KIAA1671: variants seen among roughly 807,000 people sequenced by gnomAD.
The protein encoded by KIAA1671 is uncharacterized protein KIAA1671.
KIAA1671 carries 52 observed loss-of-function variants against 131.2 expected under a neutral mutation model. The ratio of observed to expected loss-of-function variants is 0.40; its 90% CI spans 0.32 to 0.50. The LOEUF (loss-of-function observed/expected upper bound fraction) is 0.50. Among genes scored for constraint, KIAA1671 ranks in the 20% least tolerant of loss-of-function variants. The pLI, the probability that KIAA1671 is intolerant of heterozygous loss-of-function variation, is 0.73. For missense variants in KIAA1671, 2,360 were observed against 2,364.2 expected, an observed-to-expected ratio of 1.00 and a Z score of 0.04; for synonymous variants, 1,003 against 961.6, an observed-to-expected ratio of 1.04 and a Z score of -0.80.
chr22:25,171,680 A>T (rs1413190591), intron 7 of KIAA1671, among the ~76,000 whole-genome samples: 1 of 151,932 alleles, frequency 6.6e-6, no homozygotes, highest in East Asian at 1.9e-4. Flanking sequence ...GCGCCAATGC[A>T]CTCAATCCAG....
At chr22:25,069,068 G>A (rs1041312473) in intron 6 of KIAA1671, among the ~76,000 whole-genome samples, 3 of 152,142 alleles carry the variant, frequency 2.0e-5, no homozygotes, top group Non-Finnish European at 2.9e-5. Context: ...ATCCAGGAGC[G>A]TCTGGCTTGT....
intron 6 of KIAA1671, 44 bp from the exon 7 acceptor site, chr22:25,170,776 G>C (rs1006295671): frequency 6.5e-7 from 1 of 1,536,930 alleles, no homozygotes; most frequent in African/African-American, 1.4e-5. Context: ...GGGGTTCTGA[G>C]TACATTTCCT....
At chr22:24,990,514 A>G (rs1165100084) in intron 1 of KIAA1671, among the ~76,000 whole-genome samples, 1 of 152,144 alleles carries the variant, frequency 6.6e-6, no homozygotes, top group African/African-American at 2.4e-5. Flanking sequence ...TGCACACACC[A>G]TGCTCACACA....
At chr22:25,014,057 C>T (rs1437715592) in intron 1 of KIAA1671, 1 of 152,168 alleles carries the variant, frequency 6.6e-6, no homozygotes, top group Non-Finnish European at 1.5e-5. Context: ...AAATAGCCCA[C>T]TTCTAGGCAA....
intron 6 of KIAA1671, among the ~76,000 whole-genome samples, chr22:25,076,066 G>T (rs1418805874): frequency 6.6e-6 from 1 of 152,128 alleles, no homozygotes; most frequent in African/African-American, 2.4e-5. Context: ...GTGAGCCACT[G>T]CACCCAGCCT....
intron 6 of KIAA1671, among the ~76,000 whole-genome samples, chr22:25,122,449 A>G (rs927208027): frequency 6.6e-6 from 1 of 152,118 alleles, no homozygotes; most frequent in African/African-American, 2.4e-5. Flanking sequence ...CTTAGTCTAC[A>G]TGTTATTAAA....
chr22:25,023,291 TG>T (rs1925772219), intron 1 of KIAA1671: 1 of 152,136 alleles, frequency 6.6e-6, no homozygotes, highest in South Asian at 2.1e-4. Flanking sequence ...CACTTGAACC[TG>T]GAAGGTGGAG....
intron 6 of KIAA1671, among the ~76,000 whole-genome samples, chr22:25,139,823 A>C (rs1375698514): frequency 6.6e-6 from 1 of 152,176 alleles, no homozygotes; most frequent in Non-Finnish European, 1.5e-5. Flanking sequence ...GCAGATATCT[A>C]GGAAAAGGAA....
At chr22:25,146,240 G>A (rs765289504) in intron 6 of KIAA1671, among the ~76,000 whole-genome samples, 3 of 152,272 alleles carry the variant, frequency 2.0e-5, no homozygotes, top group Admixed American at 6.5e-5. Context: ...AAAGTCACAC[G>A]GCTGGTGGGC....
rs538629193 is a variant in KIAA1671, at chr22:25,187,016, C to G, written c.5342+1897C>G. Among the ~76,000 whole-genome samples, 193 of 152,306 alleles carry G rather than the reference C, an allele frequency of 1.3e-3. 3 individuals are homozygous for G. In the South Asian group the frequency reaches 0.032, roughly 25 times the overall value. ...CTGAAGTCTGGAGTACCCTAGACCC[C>G]CATCTGCCCAGGGGGCCCTCTTCTT... On this transcript the variant is annotated intron_variant, in intron 11 of 12. Transcript: ENST00000358431.
chr22:24,988,794 C>T (rs890482989), intron 1 of KIAA1671, among the ~76,000 whole-genome samples: 30 of 150,920 alleles, frequency 2.0e-4, no homozygotes, highest in Middle Eastern at 3.5e-3. Context: ...AATTGTGGTC[C>T]GGTGTCAGAC....
intron 6 of KIAA1671, among the ~76,000 whole-genome samples, chr22:25,086,462 T>C (rs1204399789): frequency 2.0e-5 from 3 of 152,208 alleles, no homozygotes; most frequent in African/African-American, 7.2e-5. Context: ...AATGAACTTC[T>C]TGAGGAGAGG....
At chr22:25,017,575 A>T (rs954896863) in intron 1 of KIAA1671, among the ~76,000 whole-genome samples, 2 of 152,214 alleles carry the variant, frequency 1.3e-5, no homozygotes, top group Non-Finnish European at 2.9e-5. Context: ...GTTGCATGAT[A>T]TAAATGTACT....
chr22:25,029,012 A>G lies in KIAA1671; in HGVS notation c.1013A>G (p.His338Arg), dbSNP rs1926119083. Residue 338 changes from histidine to arginine, a missense_variant, in exon 3 of 13, where the codon CAT (histidine) becomes CGT (arginine). By Grantham distance (29) the His-to-Arg change is conservative (BLOSUM62 0). This residue lies in a region of KIAA1671 where 1,185 missense variants were observed against 1,126.2 expected (regional missense o/e 1.05). Coordinates refer to ENST00000358431, the MANE Select transcript of KIAA1671 (RefSeq NM_001145206.2). ...DCLVKAEAPL[H>R]DPDLDFLEVA... ...TTGGTCAAGGCGGAGGCTCCTCTTCATGATCCTGATTTGGACTTCCTGGAG... is the reference window on the plus strand; with the variant it reads ...TTGGTCAAGGCGGAGGCTCCTCTTCGTGATCCTGATTTGGACTTCCTGGAG... 2 of 1,506,508 alleles carry G rather than the reference A, an allele frequency of 1.3e-6. No individual in the cohort carries two copies. The highest frequency in any genetic ancestry group is 1.8e-6 in the Non-Finnish European group (2 of 1,127,358). 93.3% of individuals were successfully genotyped at this position (1,506,508 alleles called of 1,614,324 possible).
At chr22:25,093,794 C>CTCTCTG in intron 6 of KIAA1671, among the ~76,000 whole-genome samples, 1 of 129,558 alleles carries the variant, frequency 7.7e-6, no homozygotes, top group African/African-American at 3.5e-5. Flanking sequence ...CTCTCTCTCT[C>CTCTCTG]TCTCTCTCTC....
At chr22:25,071,464 C>A (rs9624717) in intron 6 of KIAA1671, among the ~76,000 whole-genome samples, 74,184 of 151,826 alleles carry the variant, frequency 0.49, 18,836 homozygotes, top group African/African-American at 0.62. Flanking sequence ...AATCATTGGC[C>A]TATGAACATT....
intron 12 of KIAA1671, among the ~76,000 whole-genome samples, chr22:25,191,811 G>T (rs1934679806): frequency 6.6e-6 from 1 of 152,110 alleles, no homozygotes; most frequent in Non-Finnish European, 1.5e-5. Context: ...AGAAAGCCCT[G>T]CAAAACAAAG....
chr22:25,006,125 A>G (rs1204042598), intron 1 of KIAA1671, among the ~76,000 whole-genome samples: 1 of 152,058 alleles, frequency 6.6e-6, no homozygotes, highest in African/African-American at 2.4e-5. Flanking sequence ...TCCATCTCCT[A>G]GGTTCAAGAG....
chr22:24,993,359 C>T (rs1923946458), intron 1 of KIAA1671, among the ~76,000 whole-genome samples: 1 of 152,144 alleles, frequency 6.6e-6, no homozygotes, highest in Non-Finnish European at 1.5e-5. Flanking sequence ...CAAAGTCAGC[C>T]CATGATACTT....
Sources: allele counts gnomAD v4.1 joint callset (sites outside exome capture counted in the v4.1 genomes callset), GRCh38; gene constraint gnomAD v4.1.1; regional missense constraint gnomAD v4.1.1; transcripts MANE v1.5; gene names NCBI Gene and HGNC (gene_info 2026-07-23, HGNC 2026-07-21).